ADGRL3: variants seen among roughly 807,000 people sequenced by gnomAD.
ADGRL3 encodes the protein adhesion G protein-coupled receptor L3, also known as calcium-independent alpha-latrotoxin receptor 3.
A neutral mutation model predicts 153.5 loss-of-function variants in ADGRL3; 62 were observed. The observed-to-expected ratio is 0.40, with a 90% confidence interval of 0.33 to 0.50. The LOEUF (loss-of-function observed/expected upper bound fraction) is 0.50, where lower values mean the gene tolerates loss of function less well. ADGRL3 is among the 20% of genes least tolerant of loss of function. The pLI is 0.47. For missense variants in ADGRL3, 1,641 were observed against 1,859.4 expected, an observed-to-expected ratio of 0.88 and a Z score of 2.16; for synonymous variants, 710 against 672.5, an observed-to-expected ratio of 1.06 and a Z score of -0.86.
intron 1 of ADGRL3, among the ~76,000 whole-genome samples, chr4:61,370,246 T>G (rs1455936445): frequency 0.016 from 2,365 of 150,412 alleles, 67 homozygotes; most frequent in African/African-American, 0.055. Flanking sequence ...CTGCTCTGAT[T>G]TTAGTTATTT....
At chr4:61,689,780 A>G (rs1425317743) in intron 6 of ADGRL3, among the ~76,000 whole-genome samples, 1 of 152,144 alleles carries the variant, frequency 6.6e-6, no homozygotes, top group Non-Finnish European at 1.5e-5. Context: ...ATGATCTATA[A>G]TAAGGCACTT....
intron 1 of ADGRL3, among the ~76,000 whole-genome samples, chr4:61,223,389 G>A (rs963940332): frequency 1.3e-5 from 2 of 152,188 alleles, no homozygotes; most frequent in South Asian, 2.1e-4. Flanking sequence ...AATATAAGCA[G>A]AGAGTGATGC....
chr4:61,468,812 G>A (rs891269163), intron 2 of ADGRL3, among the ~76,000 whole-genome samples: 2 of 152,188 alleles, frequency 1.3e-5, no homozygotes, highest in East Asian at 1.9e-4. Flanking sequence ...AAAAAGAGAC[G>A]TCTAGTTTGT....
Position 62,070,830 on chromosome 4 carries a change from T to C in ADGRL3, c.4554T>C (p.Phe1518=). The change falls in exon 27 of 27, where the codon TTT becomes TTC. Residue 1518 remains phenylalanine (F), a synonymous_variant. Transcript: ENST00000683033. The part of the protein sequence containing the change: ...YQLGRGSSDG[F]IVPPNKDGTP... ...TAGGTCGCGGCAGCAGTGATGGATTTATAGTTCCTCCAAACAAAGATGGGA... is the reference window on the plus strand; with the variant it reads ...TAGGTCGCGGCAGCAGTGATGGATTCATAGTTCCTCCAAACAAAGATGGGA... 6.4e-7 allele frequency: 1 copy of C among 1,551,690 alleles called. No individual in the cohort carries two copies. The highest frequency in any genetic ancestry group is 1.2e-5 in the South Asian group (1 of 84,060).
At chr4:61,581,203 G>C (rs2098923452) in intron 4 of ADGRL3, among the ~76,000 whole-genome samples, 1 of 152,024 alleles carries the variant, frequency 6.6e-6, no homozygotes, top group Admixed American at 6.6e-5. Flanking sequence ...GACAGCCACA[G>C]TTACTGGGAA....
At chr4:61,818,439 G>T (rs2097712908) in intron 9 of ADGRL3, among the ~76,000 whole-genome samples, 1 of 152,182 alleles carries the variant, frequency 6.6e-6, no homozygotes, top group African/African-American at 2.4e-5. Flanking sequence ...TTTTCCAGGT[G>T]CATGGTGCAA....
intron 5 of ADGRL3, among the ~76,000 whole-genome samples, chr4:61,639,288 G>T (rs917529874): frequency 1.3e-5 from 2 of 151,912 alleles, no homozygotes; most frequent in African/African-American, 4.8e-5. Context: ...GAGGCCTTTG[G>T]TCTTTATAAG....
At chr4:61,644,840 T>G (rs1281274521) in intron 5 of ADGRL3, among the ~76,000 whole-genome samples, 1 of 152,094 alleles carries the variant, frequency 6.6e-6, no homozygotes, top group African/African-American at 2.4e-5. Context: ...TGGGTATCCT[T>G]GTTGACTTTC....
At chr4:61,289,856 G>C in intron 1 of ADGRL3, among the ~76,000 whole-genome samples, 1 of 152,048 alleles carries the variant, frequency 6.6e-6, no homozygotes, top group East Asian at 1.9e-4. Context: ...CTGGGCCACT[G>C]GTTCCTCAGG....
intron 1 of ADGRL3, among the ~76,000 whole-genome samples, chr4:61,298,236 C>T (rs371019461): frequency 3.3e-5 from 5 of 152,012 alleles, no homozygotes; most frequent in African/African-American, 7.3e-5. Flanking sequence ...GCTTCCCCCT[C>T]GCCCCCCAAA....
chr4:61,781,164 T>C (rs775921316), intron 8 of ADGRL3, among the ~76,000 whole-genome samples: 4 of 151,700 alleles, frequency 2.6e-5, no homozygotes, highest in Non-Finnish European at 5.9e-5. Context: ...CCATCTCTAC[T>C]AAAAATACAA....
intron 1 of ADGRL3, among the ~76,000 whole-genome samples, chr4:61,205,830 G>A (rs976587610): frequency 6.6e-6 from 1 of 152,126 alleles, no homozygotes; most frequent in Admixed American, 6.5e-5. Context: ...TGTAGCGTGA[G>A]CATGCTTGTA....
chr4:61,580,401 T>G (rs1288022400), intron 4 of ADGRL3, among the ~76,000 whole-genome samples: 1 of 152,112 alleles, frequency 6.6e-6, no homozygotes, highest in Non-Finnish European at 1.5e-5. Context: ...ATGGTAATAC[T>G]AGACTATTTG....
At chr4:61,599,613 A>G (rs2099002745) in intron 5 of ADGRL3, among the ~76,000 whole-genome samples, 1 of 152,172 alleles carries the variant, frequency 6.6e-6, no homozygotes, top group Admixed American at 6.5e-5. Context: ...GATTACAGGC[A>G]TGAGCCATTG....
intron 6 of ADGRL3, among the ~76,000 whole-genome samples, chr4:61,688,949 G>C (rs1057034105): frequency 4.6e-5 from 7 of 152,110 alleles, no homozygotes; most frequent in African/African-American, 1.2e-4. Context: ...AAATTTTCTT[G>C]TTTAGTTATT....
intron 9 of ADGRL3, among the ~76,000 whole-genome samples, chr4:61,841,179 C>A (rs1430434912): frequency 2.0e-5 from 3 of 152,026 alleles, no homozygotes; most frequent in Admixed American, 1.3e-4. Flanking sequence ...TCATATTTTG[C>A]AAAAATAAAA....
chr4:61,361,500 C>A (rs1414748299), intron 1 of ADGRL3, among the ~76,000 whole-genome samples: 3 of 152,102 alleles, frequency 2.0e-5, no homozygotes, highest in African/African-American at 7.2e-5. Flanking sequence ...GTTAGATAGG[C>A]TTGATTTCTA....
rs13110614 is a variant in ADGRL3 at position 61,345,843 on chromosome 4, C to T, written c.-239-37281C>T. ...TTCAGAAGCAAATTCCAAAACTGGT[C>T]TAGACAGTCTATAAAATTTGCATGA... On this transcript the variant is annotated intron_variant, in intron 1 of 26. Transcript: ENST00000683033. 9.8e-3 allele frequency among the ~76,000 whole-genome samples: 1,490 copies of T among 152,208 alleles called. 10 individuals carry two copies. Among genetic ancestry groups the T allele is most frequent in the Non-Finnish European group, 0.014 (958 of 68,012 alleles).
chr4:61,435,034 C>T (rs1021413054), intron 2 of ADGRL3, among the ~76,000 whole-genome samples: 7 of 151,942 alleles, frequency 4.6e-5, no homozygotes, highest in African/African-American at 1.7e-4. Context: ...ATTCATAATT[C>T]CATTTATGGT....
Sources: gnomAD v4.1 joint callset for allele counts (sites outside exome capture counted in the v4.1 genomes callset) on GRCh38, gnomAD v4.1.1 for gene constraint, MANE v1.5 for transcripts, NCBI Gene and HGNC (gene_info 2026-07-23, HGNC 2026-07-21) for gene names.